WWOX: variants seen among roughly 807,000 people sequenced by gnomAD.
WWOX encodes the protein WW domain containing oxidoreductase.
WWOX carries 69 observed loss-of-function variants against 46.2 expected under a neutral mutation model. The ratio of observed to expected loss-of-function variants is 1.49; its 90% CI spans 1.23 to 1.82. The LOEUF is 1.82. Ranked by LOEUF, WWOX falls within the 40% of genes most tolerant of loss-of-function variation. The pLI, the probability that WWOX is intolerant of heterozygous loss-of-function variation, is 0.00. For synonymous variants in WWOX, 359 were observed against 202.6 expected, an observed-to-expected ratio of 1.77 and a Z score of -6.56; for missense variants, 919 against 542.6, an observed-to-expected ratio of 1.69 and a Z score of -6.89.
At chr16:78,778,066 A>G (rs1474410692) in intron 8 of WWOX, among the ~76,000 whole-genome samples, 1 of 141,862 alleles carries the variant, frequency 7.0e-6, no homozygotes, top group African/African-American at 2.6e-5. Flanking sequence ...AAAAAAAAAG[A>G]CATTTACATT....
At chr16:78,793,389 G>T (rs79786585) in intron 8 of WWOX, among the ~76,000 whole-genome samples, 1 of 152,184 alleles carries the variant, frequency 6.6e-6, no homozygotes, top group East Asian at 1.9e-4. Context: ...CTCAAACTTG[G>T]TATGGAACTG....
chr16:78,545,363 T>G (rs1036183767), intron 8 of WWOX, among the ~76,000 whole-genome samples: 15 of 151,706 alleles, frequency 9.9e-5, no homozygotes, highest in Admixed American at 9.2e-4. Flanking sequence ...AGATGGTTCC[T>G]TTTAATCCAT....
At chr16:78,421,672 G>A (rs544919080) in intron 6 of WWOX, among the ~76,000 whole-genome samples, 1 of 152,202 alleles carries the variant, frequency 6.6e-6, no homozygotes, top group Admixed American at 6.5e-5. Flanking sequence ...CTATGGGAAT[G>A]GTCTGCCCCA....
chr16:78,531,680 T>C (rs1212405101), intron 8 of WWOX, among the ~76,000 whole-genome samples: 4 of 152,004 alleles, frequency 2.6e-5, no homozygotes, highest in South Asian at 2.1e-4. Context: ...CTGTCTCTAC[T>C]AAAAATACAA....
At chr16:79,162,873 A>T (rs2050514432) in intron 8 of WWOX, among the ~76,000 whole-genome samples, 1 of 152,152 alleles carries the variant, frequency 6.6e-6, no homozygotes, top group Admixed American at 6.5e-5. Context: ...GCCAAAGCAA[A>T]GGTGTTGCTC....
intron 8 of WWOX, among the ~76,000 whole-genome samples, chr16:78,920,282 C>T (rs1045891848): frequency 6.6e-6 from 1 of 152,192 alleles, no homozygotes; most frequent in African/African-American, 2.4e-5. Flanking sequence ...ACACAGTGAC[C>T]TGGTCACTCT....
At chr16:78,422,842 T>TACACACACACAC (rs1402975035) in intron 6 of WWOX, among the ~76,000 whole-genome samples, 1 of 76,312 alleles carries the variant, frequency 1.3e-5, no homozygotes, top group African/African-American at 5.8e-5. Context: ...TATATATACA[T>TACACACACACAC]ATACACACAC....
chr16:78,406,343 TA>T (rs1567553450), intron 6 of WWOX, among the ~76,000 whole-genome samples: 34 of 103,216 alleles, frequency 3.3e-4, no homozygotes, highest in African/African-American at 1.8e-3. Flanking sequence ...TATATATATA[TA>T]TATATATATA....
At chr16:78,589,598 A>C (rs1379442864) in intron 8 of WWOX, among the ~76,000 whole-genome samples, 1 of 152,192 alleles carries the variant, frequency 6.6e-6, no homozygotes, top group Non-Finnish European at 1.5e-5. Context: ...GTTAAGTTAC[A>C]GTAGAGAAGT....
chr16:78,920,811 A>C (rs2045360822), intron 8 of WWOX, among the ~76,000 whole-genome samples: 1 of 152,208 alleles, frequency 6.6e-6, no homozygotes, highest in South Asian at 2.1e-4. Context: ...ATGTTTTCCA[A>C]AAGACCTGGC....
intron 5 of WWOX, among the ~76,000 whole-genome samples, chr16:78,172,152 A>C (rs1329166000): frequency 6.6e-6 from 1 of 152,174 alleles, no homozygotes. Context: ...TATTGTACTC[A>C]TACATTATTT....
At chr16:78,356,850 C>G (rs767499057) in intron 5 of WWOX, among the ~76,000 whole-genome samples, 8 of 152,070 alleles carry the variant, frequency 5.3e-5, no homozygotes, top group Non-Finnish European at 1.2e-4. Context: ...CCATTGCACT[C>G]CAGCCTGGCA....
intron 8 of WWOX, among the ~76,000 whole-genome samples, chr16:79,063,003 A>G (rs1304860841): frequency 6.6e-6 from 1 of 152,158 alleles, no homozygotes; most frequent in African/African-American, 2.4e-5. Flanking sequence ...TTTTAGCAGG[A>G]TTTTGGCAGG....
At chr16:78,385,150 C>A (rs2082035425) in intron 5 of WWOX, among the ~76,000 whole-genome samples, 1 of 151,822 alleles carries the variant, frequency 6.6e-6, no homozygotes, top group Non-Finnish European at 1.5e-5. Flanking sequence ...CACACACACA[C>A]ACACACACAC....
At chr16:78,455,913 G>A (rs1236702206) in intron 8 of WWOX, among the ~76,000 whole-genome samples, 1 of 152,146 alleles carries the variant, frequency 6.6e-6, no homozygotes, top group African/African-American at 2.4e-5. Context: ...TAGTATTTGT[G>A]TTAACATTAT....
chr16:78,389,763 T>C (rs896229510), intron 6 of WWOX, among the ~76,000 whole-genome samples: 1 of 151,550 alleles, frequency 6.6e-6, no homozygotes, highest in African/African-American at 2.4e-5. Context: ...TTTTTATTTA[T>C]TTTTTGAGAC....
intron 5 of WWOX, among the ~76,000 whole-genome samples, chr16:78,281,498 C>T (rs571714200): frequency 2.0e-4 from 30 of 152,166 alleles, no homozygotes; most frequent in African/African-American, 4.8e-4. Context: ...TGACAAAATG[C>T]GAAGTTTTGT....
At chr16:78,870,263 T>A (rs1264473947) in intron 8 of WWOX, among the ~76,000 whole-genome samples, 1 of 152,236 alleles carries the variant, frequency 6.6e-6, no homozygotes, top group African/African-American at 2.4e-5. Context: ...TTGATGACAA[T>A]GACCCAGTTT....
intron 8 of WWOX, among the ~76,000 whole-genome samples, chr16:78,529,389 T>G (rs2043563868): frequency 6.6e-6 from 1 of 152,108 alleles, no homozygotes; most frequent in African/African-American, 2.4e-5. Flanking sequence ...TGGGTATGTT[T>G]TGTTCTATTT....
Sources: gnomAD v4.1 joint callset for allele counts (sites outside exome capture counted in the v4.1 genomes callset) on GRCh38, gnomAD v4.1.1 for gene constraint, MANE v1.5 for transcripts, NCBI Gene and HGNC (gene_info 2026-07-23, HGNC 2026-07-21) for gene names.